The following SPMIP7 variants were observed in gnomAD, a reference collection of about 807,000 sequenced individuals.
SPMIP7 encodes sperm microtubule inner protein 7, also known as protein SPMIP7.
At chr7:50,101,097 C>T in the SPMIP7 span, among the ~76,000 whole-genome samples, 694 of 152,330 alleles carry the variant, frequency 4.6e-3, 2 homozygotes, top group African/African-American at 0.016. Context: ...GCAATTCACC[C>T]TGTTCCTGTG....
chr7:50,115,011 C>A, the SPMIP7 span, among the ~76,000 whole-genome samples: 1 of 141,292 alleles, frequency 7.1e-6, no homozygotes, highest in East Asian at 2.0e-4. Context: ...GCCTGGGCAA[C>A]AGAGTGAGAT....
the SPMIP7 span, chr7:50,136,278 C>CCATCAGAGAACATA: frequency 1.3e-6 from 1 of 749,238 alleles, no homozygotes; most frequent in Non-Finnish European, 2.3e-6. Flanking sequence ...GATATGTTCT[C>CCATCAGAGAACATA]TGATGGAGAG....
the SPMIP7 span, among the ~76,000 whole-genome samples, chr7:50,118,681 T>C: frequency 6.6e-6 from 1 of 152,168 alleles, no homozygotes; most frequent in Non-Finnish European, 1.5e-5. Context: ...CGAATAAGCT[T>C]ATGCACCCAA....
At chr7:50,099,896 C>T in the SPMIP7 span, among the ~76,000 whole-genome samples, 2 of 152,268 alleles carry the variant, frequency 1.3e-5, no homozygotes, top group Admixed American at 6.5e-5. Flanking sequence ...GGGGGTTAAA[C>T]TATGTTGGAT....
the SPMIP7 span, among the ~76,000 whole-genome samples, chr7:50,119,954 A>G: frequency 6.6e-6 from 1 of 152,160 alleles, no homozygotes; most frequent in African/African-American, 2.4e-5. Flanking sequence ...CTCACGCGCT[A>G]TGTAGGCCTA....
the SPMIP7 span, chr7:50,142,062 G>C: frequency 6.6e-6 from 1 of 151,968 alleles, no homozygotes; most frequent in Non-Finnish European, 1.5e-5. Context: ...GAACTTGAAG[G>C]CTGTCGTGCT....
chr7:50,100,421 T>C, the SPMIP7 span, among the ~76,000 whole-genome samples: 51 of 152,222 alleles, frequency 3.4e-4, no homozygotes, highest in Non-Finnish European at 6.3e-4. Context: ...TGTTCATGAA[T>C]TGTTGCTGAA....
At chr7:50,123,916 C>G in the SPMIP7 span, among the ~76,000 whole-genome samples, 1 of 151,988 alleles carries the variant, frequency 6.6e-6, no homozygotes, top group Admixed American at 6.6e-5. Flanking sequence ...TGGTAATATA[C>G]TAAACATTCC....
At chr7:50,122,509 A>G in the SPMIP7 span, among the ~76,000 whole-genome samples, 1 of 151,548 alleles carries the variant, frequency 6.6e-6, no homozygotes, top group Non-Finnish European at 1.5e-5. Flanking sequence ...GGCATGGGCA[A>G]GGACTTCATG....
At chr7:50,159,014 A>C in the SPMIP7 span, 1 of 1,548,494 alleles carries the variant, frequency 6.5e-7, no homozygotes, top group Non-Finnish European at 8.7e-7. Context: ...TTTATGTCTC[A>C]TTTTCCTCCT....
At chr7:50,121,813 C>T in the SPMIP7 span, among the ~76,000 whole-genome samples, 78,410 of 151,180 alleles carry the variant, frequency 0.52, 21,251 homozygotes, top group East Asian at 0.73. Flanking sequence ...GCCATCATGC[C>T]CAGCTAATTT....
At chr7:50,098,797 A>G in the SPMIP7 span, among the ~76,000 whole-genome samples, 1 of 150,858 alleles carries the variant, frequency 6.6e-6, no homozygotes, top group East Asian at 2.0e-4. Flanking sequence ...CTTCACCTCC[A>G]AATAACATCA....
chr7:50,097,248 G>T, the SPMIP7 span, among the ~76,000 whole-genome samples: 6 of 152,168 alleles, frequency 3.9e-5, no homozygotes, highest in Admixed American at 1.3e-4. Context: ...AAAGCCACAG[G>T]TACTATTTTC....
chr7:50,114,468 G>A, the SPMIP7 span, among the ~76,000 whole-genome samples: 1 of 151,882 alleles, frequency 6.6e-6, no homozygotes. Context: ...GATGTATATT[G>A]TAAAATATGT....
the SPMIP7 span, among the ~76,000 whole-genome samples, chr7:50,103,778 G>A: frequency 6.6e-6 from 1 of 152,152 alleles, no homozygotes; most frequent in Non-Finnish European, 1.5e-5. Context: ...AGCACTCTGA[G>A]CTCAGCTATT....
the SPMIP7 span, among the ~76,000 whole-genome samples, chr7:50,097,063 A>T: frequency 6.6e-6 from 1 of 152,226 alleles, no homozygotes; most frequent in East Asian, 1.9e-4. Context: ...ACTTGAACGT[A>T]CATTTTTTGG....
chr7:50,113,809 A>T, the SPMIP7 span, among the ~76,000 whole-genome samples: 2 of 152,152 alleles, frequency 1.3e-5, no homozygotes, highest in East Asian at 3.8e-4. Flanking sequence ...AAATCTGAAG[A>T]CACAAGATGT....
chr7:50,141,265 CT>C, the SPMIP7 span: 2 of 1,483,290 alleles, frequency 1.3e-6, no homozygotes, highest in Non-Finnish European at 1.8e-6. Context: ...GCCTTCTTTC[CT>C]TTCCATTCTA....
the SPMIP7 span, among the ~76,000 whole-genome samples, chr7:50,106,733 C>A: frequency 5.7e-4 from 87 of 151,930 alleles, no homozygotes; most frequent in Non-Finnish European, 6.6e-4. Context: ...TGCAAATATG[C>A]GTAAAATGTT....
Sources: allele counts gnomAD v4.1 joint callset (sites outside exome capture counted in the v4.1 genomes callset), GRCh38; gene constraint gnomAD v4.1.1; transcripts MANE v1.5; gene names NCBI Gene and HGNC (gene_info 2026-07-23, HGNC 2026-07-21).